Variants in TNN observed in about 807,000 individuals in gnomAD.
The protein encoded by TNN is tenascin-N.
In TNN, 122 loss-of-function variants were observed where a neutral mutation model predicts 134.4. That is an observed-to-expected ratio of 0.91 (90% CI 0.78 to 1.06). TNN has a LOEUF of 1.06. Ranked by LOEUF, TNN falls within the 50% of genes least tolerant of loss-of-function variation. TNN has a pLI of 0.00. For missense variants in TNN, 1,739 were observed against 1,699.4 expected (o/e 1.02, Z -0.41); for synonymous variants, 710 against 670.3 (o/e 1.06, Z -0.91).
intron 9 of TNN, among the ~76,000 whole-genome samples, chr1:175,102,968 G>A (rs983138008): frequency 6.8e-6 from 1 of 146,408 alleles, no homozygotes; most frequent in Non-Finnish European, 1.5e-5. Context: ...CCCTGCAGTT[G>A]CGGTGTCCTT....
rs944752626 is a variant in TNN at position 175,083,807 on chromosome 1, T to C, written c.1106T>C (p.Val369Ala). The change falls in exon 5 of 19, where the codon GTG becomes GCG. Residue 369 changes from valine (V) to alanine (A), a missense_variant. Coordinates refer to ENST00000239462, the MANE Select transcript of TNN (RefSeq NM_022093.2). ...GATGAGACTGAGAACTCCCTTGACG[T>C]GGAGTGGGAAAACCCCTCAACTGAG... Reference protein sequence around the residue: ...VTDETENSLDVEWENPSTEVD... With the variant: ...VTDETENSLDAEWENPSTEVD... The C allele has an allele frequency of 6.2e-7, 1 of 1,614,124 alleles. No homozygotes were observed. Among genetic ancestry groups the C allele is most frequent in the East Asian group, 2.2e-5 (1 of 44,872 alleles).
At chr1:175,103,767 C>G (rs1674788085) in intron 9 of TNN, among the ~76,000 whole-genome samples, 1 of 144,660 alleles carries the variant, frequency 6.9e-6, no homozygotes, top group Non-Finnish European at 1.5e-5. Flanking sequence ...CTGACTTTCT[C>G]TTTCTCTCTT....
chr1:175,108,699 G>A (rs946845422), intron 9 of TNN, among the ~76,000 whole-genome samples: 30 of 152,210 alleles, frequency 2.0e-4, no homozygotes, highest in Admixed American at 1.4e-3. Flanking sequence ...CTGCTGGCCC[G>A]GGTGCTAAGC....
chr1:175,074,310 C>G (rs1673987699), intron 1 of TNN, among the ~76,000 whole-genome samples: 1 of 151,874 alleles, frequency 6.6e-6, no homozygotes, highest in South Asian at 2.1e-4. Context: ...TGGTGAAACC[C>G]CATCTCCACA....
intron 9 of TNN, among the ~76,000 whole-genome samples, chr1:175,113,682 A>T (rs1319554343): frequency 6.6e-6 from 1 of 151,216 alleles, no homozygotes; most frequent in Non-Finnish European, 1.5e-5. Context: ...TCTTTCTGGA[A>T]CTCCTGTAAT....
In TNN at chr1:175,079,617, C is replaced by A. The variant is rs1323695447; in HGVS notation, c.694C>A (p.Arg232Ser). The A allele has an allele frequency of 1.2e-6, 2 of 1,601,224 alleles. No individual in the cohort carries two copies. The highest frequency in any genetic ancestry group is 1.1e-5 in the South Asian group (1 of 89,194). The change falls in exon 3 of 19, where the codon CGC (arginine) becomes AGC (serine). Residue 232 changes from arginine to serine, a missense_variant. Transcript: ENST00000239462. ...DFMSEDCSEK[R>S]CPGDCSGHGF... The stretch of plus-strand genomic sequence containing the variant: ...CATGTCGGAGGACTGCAGCGAGAAG[C>A]GCTGTCCCGGCGACTGCAGCGGCCA...
chr1:175,094,476 T>C (rs895361045), intron 7 of TNN, among the ~76,000 whole-genome samples: 1 of 152,198 alleles, frequency 6.6e-6, no homozygotes, highest in African/African-American at 2.4e-5. Flanking sequence ...TCATACTTAT[T>C]TGAGTTGGAA....
At chr1:175,079,991 G>A (rs1471641475) in intron 3 of TNN, among the ~76,000 whole-genome samples, 172 bp from the exon 4 acceptor site, 10 of 151,994 alleles carry the variant, frequency 6.6e-5, no homozygotes, top group Non-Finnish European at 1.5e-4. Context: ...TGTGGTGAGG[G>A]GGTCAGTATT....
chr1:175,123,700 C>T, intron 12 of TNN, 37 bp downstream of exon 12: 2 of 1,611,344 alleles, frequency 1.2e-6, no homozygotes, highest in South Asian at 1.1e-5. Flanking sequence ...ACACCTCACA[C>T]TTATCAGGAG....
chr1:175,073,292 G>A (rs919909882), intron 1 of TNN, among the ~76,000 whole-genome samples: 1 of 152,136 alleles, frequency 6.6e-6, no homozygotes, highest in Non-Finnish European at 1.5e-5. Context: ...CTATCCTGGG[G>A]ATCAAGTGGA....
At chr1:175,074,467 A>G (rs1025453752) in intron 1 of TNN, among the ~76,000 whole-genome samples, 1 of 143,624 alleles carries the variant, frequency 7.0e-6, no homozygotes, top group Non-Finnish European at 1.5e-5. Context: ...CCTGGGCGAC[A>G]GAATGGGATC....
chr1:175,081,254 A>C (rs2149427702), intron 4 of TNN, among the ~76,000 whole-genome samples: 1 of 152,364 alleles, frequency 6.6e-6, no homozygotes, highest in East Asian at 1.9e-4. Context: ...AATGTTTAGA[A>C]GGATTAGCAT....
At chr1:175,072,629 TGA>T (rs758144023) in intron 1 of TNN, among the ~76,000 whole-genome samples, 1 of 152,194 alleles carries the variant, frequency 6.6e-6, no homozygotes, top group Non-Finnish European at 1.5e-5. Flanking sequence ...CGTGTTGGAG[TGA>T]GAGCCAGCAG....
Position 175,123,638 on chromosome 1 carries a change from G to A in TNN, c.2889G>A (p.Lys963=). 6.2e-7 allele frequency: 1 copy of A among 1,614,244 alleles called. No homozygotes were observed. Among genetic ancestry groups the A allele is most frequent in the Non-Finnish European group, 8.5e-7 (1 of 1,180,048 alleles). ...VWAQKGAQES[K]KADTKAQTEL... is the part of the protein sequence containing the mutation. ...CCCAGAAGGGGGCCCAGGAGAGCAA[G>A]AAGGCTGACACCAAGGCCCAGACAG... Residue 963 remains lysine, a synonymous_variant, in exon 12 of 19, where the codon AAG becomes AAA. Coordinates refer to ENST00000239462, the MANE Select transcript of TNN (RefSeq NM_022093.2).
At chr1:175,086,377 G>A (rs1674324481) in intron 6 of TNN, among the ~76,000 whole-genome samples, 1 of 152,168 alleles carries the variant, frequency 6.6e-6, no homozygotes, top group Non-Finnish European at 1.5e-5. Context: ...AACATGGTAG[G>A]CATACATACG....
chr1:175,116,418 C>A (rs979987044), intron 9 of TNN, among the ~76,000 whole-genome samples: 1 of 150,938 alleles, frequency 6.6e-6, no homozygotes, highest in Non-Finnish European at 1.5e-5. Flanking sequence ...TAATCATTAA[C>A]AACCCCTTGT....
intron 15 of TNN, among the ~76,000 whole-genome samples, chr1:175,135,128 G>T (rs1383552362): frequency 6.6e-6 from 1 of 152,088 alleles, no homozygotes; most frequent in Non-Finnish European, 1.5e-5. Context: ...TGGTTTCTTG[G>T]CTCCTTGGTC....
At chr1:175,120,106 G>A (rs961706977) in intron 11 of TNN, among the ~76,000 whole-genome samples, 5 of 152,360 alleles carry the variant, frequency 3.3e-5, no homozygotes, top group Admixed American at 2.0e-4. Context: ...CTGTGTGATA[G>A]AAAGGAGCAA....
intron 6 of TNN, among the ~76,000 whole-genome samples, chr1:175,086,952 A>G (rs894237914): frequency 5.3e-5 from 8 of 152,204 alleles, no homozygotes; most frequent in African/African-American, 1.9e-4. Context: ...TCTCACAGCA[A>G]TCCAATGAAG....
Sources: allele counts gnomAD v4.1 joint callset (sites outside exome capture counted in the v4.1 genomes callset), GRCh38; gene constraint gnomAD v4.1.1; transcripts MANE v1.5; gene names NCBI Gene and HGNC (gene_info 2026-07-23, HGNC 2026-07-21).